Variants in TRPC5 observed in about 807,000 individuals in gnomAD.
TRPC5 encodes the protein short transient receptor potential channel 5.
In TRPC5, 9 loss-of-function variants were observed where a neutral mutation model predicts 56.5. The ratio of observed to expected loss-of-function variants is 0.16; its 90% CI spans 0.10 to 0.28. The LOEUF (loss-of-function observed/expected upper bound fraction) is 0.28. TRPC5 is among the 10% of genes least tolerant of loss of function. The probability of loss-of-function intolerance (pLI) is 1.00; values close to 1 mark genes in which losing one functional copy is unlikely to be tolerated. For synonymous variants in TRPC5, 282 were observed against 278.5 expected, an observed-to-expected ratio of 1.01 and a Z score of -0.13; for missense variants, 469 against 748.9, an observed-to-expected ratio of 0.63 and a Z score of 4.36.
At chrX:111,984,893 G>T (rs923442627) in intron 1 of TRPC5, among the ~76,000 whole-genome samples, 1 of 112,322 alleles carries the variant, frequency 8.9e-6, no homozygotes, top group African/African-American at 3.2e-5. Flanking sequence ...TTTATACTAT[G>T]TATATATCAA....
In TRPC5 at chrX:111,768,973, GA is replaced by G. The variant is rs1252719455; in HGVS notation, c.*7339del. ...GTCCTACAAGGTGTGGCCACAACAT[GA>G]TGAGGCTATACTTTAAATACCATGA... is the stretch of plus-strand genomic sequence containing the variant. On this transcript the variant is annotated 3_prime_UTR_variant, in exon 11 of 11. Coordinates refer to ENST00000262839, the MANE Select transcript of TRPC5 (RefSeq NM_012471.3). 1.8e-5 allele frequency among the ~76,000 whole-genome samples: 2 copies of G among 112,079 alleles called. No homozygotes were observed. The highest frequency in any genetic ancestry group is 3.8e-5 in the Non-Finnish European group (2 of 53,165).
intron 3 of TRPC5, among the ~76,000 whole-genome samples, chrX:111,878,085 G>A (rs935899695): frequency 3.6e-5 from 4 of 110,582 alleles, no homozygotes; most frequent in African/African-American, 1.3e-4. Flanking sequence ...TGAGGAGAAG[G>A]GAAAGAGTAG....
In TRPC5 at chrX:111,977,141, T is replaced by C. The variant is rs139862890; in HGVS notation, c.-21-24700A>G. ...GGCCTTTAAAAAATAGAAAAAAAAA[T>C]CCTAATATTTGTATGGAACTACAAA... is the stretch of plus-strand genomic sequence containing the variant. On this transcript the variant is annotated intron_variant, in intron 1 of 10. Coordinates refer to ENST00000262839, the MANE Select transcript of TRPC5 (RefSeq NM_012471.3). Among the ~76,000 whole-genome samples the C allele has an allele frequency of 8.1e-3, 896 of 110,343 alleles. 9 individuals carry two copies. Among genetic ancestry groups the C allele is most frequent in the African/African-American group, 0.028 (840 of 30,456 alleles).
intron 1 of TRPC5, among the ~76,000 whole-genome samples, chrX:111,998,357 A>T (rs1345477966): frequency 7.1e-5 from 8 of 112,256 alleles, no homozygotes; most frequent in African/African-American, 2.3e-4. Flanking sequence ...TCTAATAATA[A>T]AATCAAGGCA....
At chrX:112,035,805 G>C (rs1929722369) in intron 1 of TRPC5, among the ~76,000 whole-genome samples, 1 of 106,605 alleles carries the variant, frequency 9.4e-6, no homozygotes, top group African/African-American at 3.6e-5. Context: ...CTAATTTTTT[G>C]TATGTTTAGG....
At chrX:111,785,549 G>A (rs1258120197) in intron 7 of TRPC5, among the ~76,000 whole-genome samples, 1 of 111,989 alleles carries the variant, frequency 8.9e-6, no homozygotes, top group African/African-American at 3.2e-5. Context: ...GAAGAAAGCT[G>A]GACGGAGAAT....
At position 111,768,535 on chromosome X, in the gene TRPC5, A is replaced by T. The variant is rs1042503388; in HGVS notation, c.*7778T>A. Among the ~76,000 whole-genome samples the T allele has an allele frequency of 8.9e-5, 10 of 111,955 alleles. No individual in the cohort carries two copies. The highest frequency in any genetic ancestry group is 1.7e-4 in the Non-Finnish European group (9 of 53,122). ...AATAGTACCTCTGGTGTGCATTCCT[A>T]TTATAAGAAACAAACTAAAATGTAT... On this transcript the variant is annotated 3_prime_UTR_variant, in exon 11 of 11. Transcript: ENST00000262839.
chrX:112,054,239 G>A (rs1290074708), intron 1 of TRPC5, among the ~76,000 whole-genome samples: 2 of 111,353 alleles, frequency 1.8e-5, no homozygotes, highest in Non-Finnish European at 3.8e-5. Context: ...AATGTGTTCT[G>A]AGCAGAGCCT....
intron 1 of TRPC5, among the ~76,000 whole-genome samples, chrX:112,020,040 C>T (rs946271293): frequency 8.9e-6 from 1 of 111,767 alleles, no homozygotes; most frequent in African/African-American, 3.2e-5. Flanking sequence ...TCCTCGCATT[C>T]GTATCTAACA....
chrX:111,987,113 C>T (rs768512947), intron 1 of TRPC5, among the ~76,000 whole-genome samples: 4 of 111,690 alleles, frequency 3.6e-5, no homozygotes, highest in African/African-American at 1.3e-4. Context: ...TAGGAGTATT[C>T]AATATGATAT....
At position 111,912,272 on chromosome X, in the gene TRPC5, A is replaced by C; in HGVS notation, c.900+19T>G. The C allele has an allele frequency of 8.5e-7, 1 of 1,170,114 alleles. No homozygotes were observed. Among genetic ancestry groups the C allele is most frequent in the South Asian group, 2.0e-5 (1 of 50,101 alleles). On this transcript the variant is annotated intron_variant, in intron 3 of 10. Transcript: ENST00000262839. ...GGAGGCTTTAAGCTTCCCTGAAAGC[A>C]GACATGAGCTCAGCTTACCTCTTTC...
At chrX:111,981,712 G>C (rs1349596983) in intron 1 of TRPC5, among the ~76,000 whole-genome samples, 1 of 111,873 alleles carries the variant, frequency 8.9e-6, no homozygotes, top group Non-Finnish European at 1.9e-5. Flanking sequence ...ATCCTTGAGT[G>C]ATGTTTACTC....
chrX:112,030,116 C>T (rs1432185610), intron 1 of TRPC5, among the ~76,000 whole-genome samples: 2 of 112,604 alleles, frequency 1.8e-5, no homozygotes, highest in Non-Finnish European at 3.8e-5. Context: ...TGAGCCACCG[C>T]ACCCAGCTGA....
chrX:111,794,057 G>A (rs375808798), intron 7 of TRPC5, among the ~76,000 whole-genome samples: 8 of 111,601 alleles, frequency 7.2e-5, no homozygotes, highest in African/African-American at 2.6e-4. Flanking sequence ...AGCAGGAGAA[G>A]GGAATAGGGG....
At chrX:111,988,153 G>GT (rs753249473) in intron 1 of TRPC5, among the ~76,000 whole-genome samples, 1 of 111,960 alleles carries the variant, frequency 8.9e-6, no homozygotes, top group East Asian at 2.8e-4. Context: ...GTTTATCCTG[G>GT]TGGTAGGCAG....
At chrX:111,782,867 A>G (rs1301837575) in intron 7 of TRPC5, among the ~76,000 whole-genome samples, 11 of 107,784 alleles carry the variant, frequency 1.0e-4, no homozygotes, top group Admixed American at 4.0e-4. Flanking sequence ...AGGAGTTTTA[A>G]GAGCTGCATT....
rs756860850 is a variant in TRPC5 at position 111,781,844 on chromosome X, C to A, written c.2100+91G>T. ...CAGGCAGCAGAGGTTGGCAGTGACC[C>A]GAGACCGTGCCACTGCACTCCAGCC... On this transcript the variant is annotated intron_variant, in intron 8 of 10. Coordinates refer to ENST00000262839, the MANE Select transcript of TRPC5 (RefSeq NM_012471.3). The A allele has an allele frequency of 3.6e-5, 30 of 843,703 alleles. No individual in the cohort carries two copies. In the East Asian group the frequency reaches 8.7e-4, roughly 25 times the overall value. The allele number at this position is 843,703 out of a possible 1,213,427, so 69.5% of individuals were successfully genotyped here.
At chrX:111,810,532 ACT>A (rs1284718336) in intron 7 of TRPC5, among the ~76,000 whole-genome samples, 2 of 111,408 alleles carry the variant, frequency 1.8e-5, no homozygotes, top group Non-Finnish European at 3.8e-5. Context: ...CTGGCACACA[ACT>A]CTGAGTTAAA....
intron 1 of TRPC5, among the ~76,000 whole-genome samples, chrX:111,982,035 G>T (rs750184255): frequency 9.0e-6 from 1 of 110,815 alleles, no homozygotes; most frequent in African/African-American, 3.3e-5. Flanking sequence ...TTCCCCCCTC[G>T]CTCTTGCTCT....
Sources: gnomAD v4.1 joint callset for allele counts (sites outside exome capture counted in the v4.1 genomes callset) on GRCh38, gnomAD v4.1.1 for gene constraint, MANE v1.5 for transcripts, NCBI Gene and HGNC (gene_info 2026-07-23, HGNC 2026-07-21) for gene names.